The following DHX37 variants were observed in gnomAD, a reference collection of about 807,000 sequenced individuals.
DHX37 encodes probable ATP-dependent RNA helicase DHX37.
Under a neutral mutation model 134.3 loss-of-function variants are expected in DHX37, and 52 were observed. That is an observed-to-expected ratio of 0.39 (90% CI 0.31 to 0.49). The LOEUF (loss-of-function observed/expected upper bound fraction) is 0.49. DHX37 is among the 20% of genes least tolerant of loss of function. The pLI is 0.93. For synonymous variants in DHX37, 634 were observed against 670.7 expected (o/e 0.95, Z 0.85); for missense variants, 1,344 against 1,580.8 (o/e 0.85, Z 2.54).
intron 5 of DHX37, among the ~76,000 whole-genome samples, 172 bp downstream of exon 5, chr12:124,977,170 T>C (rs1954665038): frequency 6.6e-6 from 1 of 152,244 alleles, no homozygotes; most frequent in Admixed American, 6.5e-5. Flanking sequence ...GGCGCTATTA[T>C]TCCCATCTCA....
chr12:124,956,699 C>T lies in DHX37; in HGVS notation c.2445G>A (p.Glu815=), dbSNP rs1292798786. The T allele has an allele frequency of 1.9e-6, 3 of 1,567,098 alleles. No individual in the cohort carries two copies. In the African/African-American group the frequency reaches 4.1e-5, roughly 21 times the overall value. The change falls in exon 18 of 27, where the codon GAG becomes GAA. Residue 815 remains glutamate (E), a synonymous_variant. Transcript: ENST00000308736. The part of the protein sequence containing the change: ...ASMTVRELFE[E]LDRPAASDEE... ...AGCCGCCAACCTCGCACCTGTCCAGCTCCTCAAACAGCTCCCGCACCGTCA... is the reference window on the plus strand; with the variant it reads ...AGCCGCCAACCTCGCACCTGTCCAGTTCCTCAAACAGCTCCCGCACCGTCA...
chr12:124,968,080 C>CA (rs769631729), intron 10 of DHX37, among the ~76,000 whole-genome samples: 8 of 31,784 alleles, frequency 2.5e-4, no homozygotes, highest in African/African-American at 3.3e-4. Flanking sequence ...AACTCCGTCT[C>CA]AAAAAAAAAA....
intron 1 of DHX37, 149 bp downstream of exon 1, chr12:124,988,768 T>C (rs1954921644): frequency 2.4e-6 from 1 of 420,682 alleles, no homozygotes; most frequent in African/African-American, 2.1e-5. Context: ...GCCCCTCTCC[T>C]TTGGATCATC....
At chr12:124,963,938 AC>A (rs1377039575) in intron 15 of DHX37, among the ~76,000 whole-genome samples, 3 of 150,388 alleles carry the variant, frequency 2.0e-5, no homozygotes, top group Non-Finnish European at 4.4e-5. Flanking sequence ...ATGGTGGCTC[AC>A]CTGAACTCAG....
chr12:124,983,245 G>A (rs1954790867), intron 2 of DHX37, among the ~76,000 whole-genome samples: 1 of 152,040 alleles, frequency 6.6e-6, no homozygotes, highest in Admixed American at 6.6e-5. Context: ...AAGTAGCTGG[G>A]ACTACAGGCG....
At chr12:124,968,804 C>T in intron 9 of DHX37, 63 bp downstream of exon 9, 1 of 1,603,448 alleles carries the variant, frequency 6.2e-7, no homozygotes. Context: ...TCTCAGGGGG[C>T]TCCCGACACC....
At position 124,977,510 on chromosome 12, in the gene DHX37, G is replaced by A; in HGVS notation, c.739-20C>T. ...TTCCTCCTGGAAGGAGAGGAAGTCA[G>A]CACTTAGGGAGCAGCAAGACTATAG... On this transcript the variant is annotated intron_variant, in intron 4 of 26. Transcript: ENST00000308736. 1 of 1,580,708 alleles carries A rather than the reference G, an allele frequency of 6.3e-7. No individual in the cohort carries two copies. The highest frequency in any genetic ancestry group is 1.9e-5 in the Admixed American group (1 of 53,598).
Position 124,982,529 on chromosome 12 carries a change from CGGTTCCCA to C in DHX37, c.363_370del (p.Gly122HisfsTer9). The C allele has an allele frequency of 1.9e-6, 3 of 1,613,440 alleles. No individual in the cohort carries two copies. Among genetic ancestry groups the C allele is most frequent in the Non-Finnish European group, 2.5e-6 (3 of 1,179,608 alleles). On this transcript the variant is annotated frameshift_variant, in exon 3 of 27. Coordinates refer to ENST00000308736, the MANE Select transcript of DHX37 (RefSeq NM_032656.4). LOFTEE classifies it high-confidence loss of function. ...AACTCACTCTTTGGTGTGATACATG[CGGTTCCCA>C]GTGCCTAGCTTGGAAGTGGTATAAA...
At chr12:124,973,271 C>T (rs964500536) in intron 6 of DHX37, among the ~76,000 whole-genome samples, 3 of 151,978 alleles carry the variant, frequency 2.0e-5, no homozygotes, top group Non-Finnish European at 4.4e-5. Flanking sequence ...CAAAAATTAG[C>T]CGGGCACCTG....
At position 124,982,466 on chromosome 12, in the gene DHX37, G is replaced by T. The variant is rs1006984660; in HGVS notation, c.389+45C>A. On this transcript the variant is annotated intron_variant, in intron 3 of 26. Transcript: ENST00000308736. ...CATAACCTGTGCGCCCTCCCTAGGG[G>T]GCCCTGGAGGGAGGGCAGGGTTAGC... is the stretch of plus-strand genomic sequence containing the variant. 1.7e-5 allele frequency: 27 copies of T among 1,607,260 alleles called. No individual in the cohort carries two copies. The Middle Eastern group carries it at 5.4e-4, about 32-fold the overall frequency.
chr12:124,980,372 C>T lies in DHX37; in HGVS notation c.738+118G>A, dbSNP rs1046844905. On this transcript the variant is annotated intron_variant, in intron 4 of 26. Coordinates refer to ENST00000308736, the MANE Select transcript of DHX37 (RefSeq NM_032656.4). This position sits in a 1 kb window ranked among gnomAD's most constrained non-coding sequence, Gnocchi z 5.3. ...GAGGCGCAGTCACTCTCCCCTTTCC[C>T]AGATGGGGACATGGAGGCACAGAGA... The T allele has an allele frequency of 3.9e-5, 45 of 1,167,214 alleles. No individual in the cohort carries two copies. The African/African-American group carries it at 6.1e-4, about 16-fold the overall frequency. The allele number at this position is 1,167,214 out of a possible 1,614,324, so 72.3% of individuals were successfully genotyped here.
chr12:124,963,654 G>A (rs1954315064), intron 15 of DHX37, among the ~76,000 whole-genome samples: 1 of 151,452 alleles, frequency 6.6e-6, no homozygotes, highest in African/African-American at 2.4e-5. Flanking sequence ...TGGATCACGA[G>A]GTCAGGAGAT....
chr12:124,980,901 C>T lies in DHX37; in HGVS notation c.390-63G>A. On this transcript the variant is annotated intron_variant, in intron 3 of 26. Transcript: ENST00000308736. This position sits in a 1 kb window ranked among gnomAD's most constrained non-coding sequence, Gnocchi z 5.3. ...ACCTCAATCCCAGAGGTCAGGACTC[C>T]AAGGCCATACCCCTTTCTGCCTCAG... The T allele has an allele frequency of 6.6e-7, 1 of 1,509,316 alleles. No homozygotes were observed. Among genetic ancestry groups the T allele is most frequent in the Non-Finnish European group, 8.8e-7 (1 of 1,131,034 alleles). 93.5% of individuals were successfully genotyped at this position (1,509,316 alleles called of 1,614,324 possible). A position where few individuals can be genotyped will look rare whatever the true frequency, so the allele number is the denominator to read the frequency against.
chr12:124,985,422 C>T (rs923345570), intron 2 of DHX37, among the ~76,000 whole-genome samples: 12 of 152,006 alleles, frequency 7.9e-5, no homozygotes, highest in African/African-American at 2.9e-4. Context: ...TTTCCCATGA[C>T]AAACTTTTTT....
At chr12:124,969,034 C>T (rs972442278) in intron 8 of DHX37, 66 bp from the exon 9 acceptor site, 35 of 1,507,616 alleles carry the variant, frequency 2.3e-5, no homozygotes, top group African/African-American at 4.1e-5. Context: ...CCTGGGAAAT[C>T]GGCATGGGGG....
rs933003831 is a variant in DHX37 at position 124,984,953 on chromosome 12, G to A, written c.276+1143C>T. Among the ~76,000 whole-genome samples the A allele has an allele frequency of 9.2e-5, 14 of 152,290 alleles. No homozygotes were observed. The South Asian group carries it at 2.5e-3, about 27-fold the overall frequency. ...TATCTGAGCGCGACCTAAATCCAAT[G>A]AGAAGCGCCCTTCGAAGAGACACAC... On this transcript the variant is annotated intron_variant, in intron 2 of 26. Transcript: ENST00000308736.
Position 124,950,785 on chromosome 12 carries a change from G to A in DHX37, c.2888C>T (p.Pro963Leu). 1.2e-6 allele frequency: 2 copies of A among 1,607,316 alleles called. No homozygotes were observed. The highest frequency in any genetic ancestry group is 1.7e-6 in the Non-Finnish European group (2 of 1,178,240). The change falls in exon 22 of 27, where the codon CCT (proline) becomes CTT (leucine). Residue 963 changes from proline to leucine, a missense_variant. This residue lies in a region of DHX37 where 558 missense variants were observed against 650.0 expected (regional missense o/e 0.86). Transcript: ENST00000308736. ...GACGGAGCTGGGGTGGATGAAGACA[G>A]GGTCGTCGAGGAGAGGGGTCTGCAG... Reference protein sequence around the residue: ...NAYKTPLLDDPVFIHPSSVLF... With the variant: ...NAYKTPLLDDLVFIHPSSVLF...
At chr12:124,956,663 C>G in intron 18 of DHX37, 28 bp downstream of exon 18, 3 of 1,520,738 alleles carry the variant, frequency 2.0e-6, no homozygotes, top group South Asian at 2.5e-5. Flanking sequence ...TGAGCTTGGC[C>G]CTGAGTGCCC....
Position 124,952,584 on chromosome 12 carries a change from C to A in DHX37, c.2696-14G>T. 6 of 1,561,850 alleles carry A rather than the reference C, an allele frequency of 3.8e-6. No individual in the cohort carries two copies. Among genetic ancestry groups the A allele is most frequent in the Non-Finnish European group, 5.2e-6 (6 of 1,147,386 alleles). ...ACACGGCATTGACTGAGGGGAGAAC[C>A]AAGAGTGAGGTCGGTGGTGGCAAGG... On this transcript the variant is annotated splice_polypyrimidine_tract_variant and intron_variant, in intron 20 of 26. Transcript: ENST00000308736.
Sources: allele counts gnomAD v4.1 joint callset (sites outside exome capture counted in the v4.1 genomes callset), GRCh38; gene constraint gnomAD v4.1.1; regional missense constraint gnomAD v4.1.1; non-coding constraint Gnocchi (gnomAD v3.1); transcripts MANE v1.5; gene names NCBI Gene and HGNC (gene_info 2026-07-23, HGNC 2026-07-21).